EIF4ENIF1: variants seen among roughly 807,000 people sequenced by gnomAD.
The protein encoded by EIF4ENIF1 is eukaryotic translation initiation factor 4E nuclear import factor 1.
EIF4ENIF1 carries 23 observed loss-of-function variants against 110.5 expected under a neutral mutation model. The observed-to-expected ratio is 0.21, with a 90% CI of 0.15 to 0.29. The LOEUF is 0.29. EIF4ENIF1 is among the 10% of genes least tolerant of loss of function. EIF4ENIF1 has a pLI of 1.00. For synonymous variants in EIF4ENIF1, 440 were observed against 437.0 expected (o/e 1.01, Z -0.09); for missense variants, 1,031 against 1,221.1 (o/e 0.84, Z 2.32).
chr22:31,451,426 A>G (rs1004318951), intron 10 of EIF4ENIF1, among the ~76,000 whole-genome samples: 1 of 148,168 alleles, frequency 6.7e-6, no homozygotes, highest in Non-Finnish European at 1.5e-5. Context: ...GGCACATGCC[A>G]CCACGCCCAG....
In EIF4ENIF1 at chr22:31,442,973, T is replaced by G. The variant is rs1267700625; in HGVS notation, c.2195A>C (p.Lys732Thr). The G allele has an allele frequency of 6.2e-7, 1 of 1,614,054 alleles. No homozygotes were observed. The highest frequency in any genetic ancestry group is 1.1e-5 in the South Asian group (1 of 91,068). Residue 732 changes from lysine (K) to threonine (T), a missense_variant, in exon 16 of 19, where the codon AAG becomes ACG. Lys to Thr is a moderately conservative substitution (Grantham distance 78, BLOSUM62 -1). Coordinates refer to ENST00000330125, the MANE Select transcript of EIF4ENIF1 (RefSeq NM_019843.4). Reference sequence around the variant, plus strand: ...CAGCTCTGCAGTACCTTCACTGGCCTTCTGAGTATCCTCTTTACTGTCACC... The same window carrying G: ...CAGCTCTGCAGTACCTTCACTGGCCGTCTGAGTATCCTCTTTACTGTCACC... The part of the protein sequence containing the change: ...ALGDSKEDTQ[K>T]ASEENLLSSS...
chr22:31,481,346 G>C (rs561302096), intron 2 of EIF4ENIF1, among the ~76,000 whole-genome samples: 2 of 149,346 alleles, frequency 1.3e-5, no homozygotes, highest in African/African-American at 2.5e-5. Flanking sequence ...TTTTTTTAAC[G>C]AGATGGGGTC....
In EIF4ENIF1 at chr22:31,439,739, C is replaced by T. The variant is rs2050233923; in HGVS notation, c.*141G>A. The T allele has an allele frequency of 8.2e-7, 1 of 1,216,338 alleles. No homozygotes were observed. 75.3% of individuals were successfully genotyped at this position (1,216,338 alleles called of 1,614,324 possible). A position where few individuals can be genotyped will look rare whatever the true frequency, so the allele number is the denominator to read the frequency against. On this transcript the variant is annotated 3_prime_UTR_variant, in exon 19 of 19. Coordinates refer to ENST00000330125, the MANE Select transcript of EIF4ENIF1 (RefSeq NM_019843.4). ...AAGATCCTTCCATCATAATGCGGAC[C>T]ACACCAGATGCATGGGTTCCACCAA...
chr22:31,490,209 G>A (rs1177483581), upstream of EIF4ENIF1, among the ~76,000 whole-genome samples: 3 of 152,366 alleles, frequency 2.0e-5, no homozygotes, highest in East Asian at 5.8e-4. Context: ...TCCCGGAGGC[G>A]GTGGCTAGAT....
intron 1 of EIF4ENIF1, 94 bp from the exon 2 acceptor site, chr22:31,488,839 C>A: frequency 7.1e-7 from 1 of 1,399,888 alleles, no homozygotes; most frequent in East Asian, 2.4e-5. Context: ...TTTAATCTCT[C>A]AAAACAGCTA....
chr22:31,469,394 G>GC (rs2051289487), intron 3 of EIF4ENIF1, among the ~76,000 whole-genome samples: 1 of 152,200 alleles, frequency 6.6e-6, no homozygotes, highest in Non-Finnish European at 1.5e-5. Context: ...ATAGACCAAT[G>GC]CCCCATGAAG....
chr22:31,479,030 T>C (rs1005828986), intron 2 of EIF4ENIF1, among the ~76,000 whole-genome samples: 10 of 138,618 alleles, frequency 7.2e-5, no homozygotes, highest in African/African-American at 2.5e-4. Context: ...GTGCCACACA[T>C]AGACAGATGA....
At chr22:31,462,904 G>A (rs375132437) in intron 6 of EIF4ENIF1, 28 bp downstream of exon 6, 20 of 1,609,344 alleles carry the variant, frequency 1.2e-5, no homozygotes, top group African/African-American at 1.2e-4. Context: ...TTAAAACAGC[G>A]AACTTCCCTC....
rs1601608199 is a variant in EIF4ENIF1, at chr22:31,464,505, C to T, written c.299-538G>A. The stretch of plus-strand genomic sequence containing the variant: ...CCAGCCTGGCCAAGATGGTGAAACC[C>T]CGTCTCTACTAAAACTACAAAAATT... On this transcript the variant is annotated intron_variant, in intron 4 of 18. Coordinates refer to ENST00000330125, the MANE Select transcript of EIF4ENIF1 (RefSeq NM_019843.4). 8.0e-5 allele frequency among the ~76,000 whole-genome samples: 12 copies of T among 150,358 alleles called. No homozygotes were observed. In the South Asian group the frequency reaches 2.5e-3, roughly 32 times the overall value.
intron 14 of EIF4ENIF1, among the ~76,000 whole-genome samples, chr22:31,445,351 G>A (rs1174587447): frequency 6.6e-6 from 1 of 152,162 alleles, no homozygotes; most frequent in Non-Finnish European, 1.5e-5. Context: ...ACACAAGATT[G>A]ACCTCAGGCC....
chr22:31,444,899 G>C (rs538928996), intron 14 of EIF4ENIF1, among the ~76,000 whole-genome samples: 1 of 152,172 alleles, frequency 6.6e-6, no homozygotes, highest in Non-Finnish European at 1.5e-5. Flanking sequence ...TCCCAGTCTT[G>C]TAAGAGCTCT....
At chr22:31,445,994 C>T (rs990126339) in intron 14 of EIF4ENIF1, among the ~76,000 whole-genome samples, 1 of 135,174 alleles carries the variant, frequency 7.4e-6, no homozygotes, top group African/African-American at 2.7e-5. Context: ...ATATGAAGAT[C>T]ATATAAAATT....
chr22:31,464,110 G>T, intron 4 of EIF4ENIF1, 143 bp from the exon 5 acceptor site: 1 of 997,506 alleles, frequency 1.0e-6, no homozygotes, highest in Non-Finnish European at 1.4e-6. Flanking sequence ...AGCAGATTCA[G>T]GGTAACATGT....
At chr22:31,447,081 C>G (rs2050501025) in intron 14 of EIF4ENIF1, 4 of 426,400 alleles carry the variant, frequency 9.4e-6, no homozygotes, top group South Asian at 5.4e-5. Context: ...TAGAAACATC[C>G]TAAGATTTTA....
chr22:31,466,320 C>T (rs1022354171), intron 4 of EIF4ENIF1, among the ~76,000 whole-genome samples: 34 of 151,878 alleles, frequency 2.2e-4, no homozygotes, highest in Admixed American at 7.2e-4. Context: ...GGCTGAGGCG[C>T]GACAATCGCT....
intron 2 of EIF4ENIF1, among the ~76,000 whole-genome samples, chr22:31,486,084 A>G (rs1192569054): frequency 6.6e-6 from 1 of 152,102 alleles, no homozygotes; most frequent in Non-Finnish European, 1.5e-5. Context: ...AGCCTGGCCA[A>G]CATGGCAAAA....
At chr22:31,456,223 C>CTTTT (rs36001621) in intron 7 of EIF4ENIF1, among the ~76,000 whole-genome samples, 1 of 131,016 alleles carries the variant, frequency 7.6e-6, no homozygotes, top group Non-Finnish European at 1.6e-5. Context: ...TTTTTTATTA[C>CTTTT]TTTTTTTTTT....
chr22:31,440,981 CG>C lies in EIF4ENIF1; in HGVS notation c.2552-114del, dbSNP rs1268808540. 7.8e-6 allele frequency: 11 copies of C among 1,401,768 alleles called. No homozygotes were observed. In the East Asian group the frequency reaches 2.2e-4, roughly 29 times the overall value. 86.8% of individuals were successfully genotyped at this position (1,401,768 alleles called of 1,614,324 possible). ...AGTTTGTTAAGAATGAAGGGCTCTG[CG>C]CAGTGGCTCACGCCTGTAATCCCCA... On this transcript the variant is annotated intron_variant, in intron 17 of 18. Transcript: ENST00000330125.
chr22:31,464,514 C>T (rs912434428), intron 4 of EIF4ENIF1, among the ~76,000 whole-genome samples: 8 of 150,510 alleles, frequency 5.3e-5, no homozygotes, highest in African/African-American at 2.0e-4. Context: ...CCCGTCTCTA[C>T]TAAAACTACA....
Sources: allele counts gnomAD v4.1 joint callset (sites outside exome capture counted in the v4.1 genomes callset), GRCh38; gene constraint gnomAD v4.1.1; transcripts MANE v1.5; gene names NCBI Gene and HGNC (gene_info 2026-07-23, HGNC 2026-07-21).